ROBO1: variants seen among roughly 807,000 people sequenced by gnomAD.
The protein encoded by ROBO1 is roundabout guidance receptor 1, also known as roundabout homolog 1.
A neutral mutation model predicts 195.9 loss-of-function variants in ROBO1; 149 were observed. The ratio of observed to expected loss-of-function variants is 0.76; its 90% confidence interval spans 0.67 to 0.87. The LOEUF (loss-of-function observed/expected upper bound fraction) is 0.87. ROBO1 is among the 40% of genes least tolerant of loss of function. The pLI, the probability that ROBO1 is intolerant of heterozygous loss-of-function variation, is 0.00. For synonymous variants in ROBO1, 816 were observed against 733.2 expected, an observed-to-expected ratio of 1.11 and a Z score of -1.82; for missense variants, 1,933 against 2,068.3, an observed-to-expected ratio of 0.93 and a Z score of 1.27.
At chr3:78,620,987 A>G (rs1704423337) in intron 26 of ROBO1, among the ~76,000 whole-genome samples, 1 of 151,470 alleles carries the variant, frequency 6.6e-6, no homozygotes, top group Non-Finnish European at 1.5e-5. Context: ...TATTACATTG[A>G]AAAAGTATGC....
intron 4 of ROBO1, among the ~76,000 whole-genome samples, chr3:78,814,553 T>TA (rs1004253228): frequency 3.3e-5 from 5 of 151,642 alleles, no homozygotes; most frequent in East Asian, 3.9e-4. Context: ...CATCTTGTGT[T>TA]AAAAAAAATA....
At position 79,137,195 on chromosome 3, in the gene ROBO1, TA is replaced by T. The variant is rs564766562; in HGVS notation, c.89-11657del. Among the ~76,000 whole-genome samples, 513 of 152,254 alleles carry T rather than the reference TA, an allele frequency of 3.4e-3. 3 individuals are homozygous for T. Among genetic ancestry groups the T allele is most frequent in the Middle Eastern group, 6.8e-3 (2 of 294 alleles). ...ATAAACAAAAACGTTAGCCTTGATG[TA>T]AAATCTGTTTTCAAACAAAATGTTT... On this transcript the variant is annotated intron_variant, in intron 2 of 30. Transcript: ENST00000464233.
intron 3 of ROBO1, among the ~76,000 whole-genome samples, chr3:79,023,178 C>A (rs2078135494): frequency 6.6e-6 from 1 of 151,968 alleles, no homozygotes; most frequent in Admixed American, 6.6e-5. Flanking sequence ...CAATGCACAC[C>A]AAGGCTGTGC....
chr3:78,849,952 G>A (rs1019172649), intron 4 of ROBO1, among the ~76,000 whole-genome samples: 4 of 151,384 alleles, frequency 2.6e-5, no homozygotes, highest in East Asian at 1.9e-4. Context: ...ATATTATAAC[G>A]TAGTTTACTA....
At chr3:79,041,633 G>A (rs1330595504) in intron 3 of ROBO1, among the ~76,000 whole-genome samples, 3 of 152,182 alleles carry the variant, frequency 2.0e-5, no homozygotes. Context: ...AGCATAGTTT[G>A]GCTAAATTCT....
chr3:79,727,689 C>A (rs1327058620), intron 1 of ROBO1, among the ~76,000 whole-genome samples: 1 of 152,058 alleles, frequency 6.6e-6, no homozygotes, highest in East Asian at 1.9e-4. Context: ...TCTATGGAAA[C>A]ATTTTTCATT....
At chr3:79,510,296 G>T (rs1231415383) in intron 2 of ROBO1, among the ~76,000 whole-genome samples, 2 of 152,166 alleles carry the variant, frequency 1.3e-5, no homozygotes, top group Non-Finnish European at 2.9e-5. Context: ...ATTATGAGGG[G>T]CTTTGCCCCC....
At chr3:78,757,730 A>C (rs1010333368) in intron 4 of ROBO1, among the ~76,000 whole-genome samples, 1 of 152,212 alleles carries the variant, frequency 6.6e-6, no homozygotes, top group African/African-American at 2.4e-5. Flanking sequence ...CAATTATAAC[A>C]TCCCCTCCCC....
chr3:78,724,167 T>C (rs1457154720), intron 5 of ROBO1, among the ~76,000 whole-genome samples: 3 of 152,132 alleles, frequency 2.0e-5, no homozygotes, highest in Non-Finnish European at 4.4e-5. Flanking sequence ...ACATGCCAGT[T>C]TTCAATTTCC....
At chr3:78,767,986 T>C (rs1028707381) in intron 4 of ROBO1, among the ~76,000 whole-genome samples, 3 of 152,136 alleles carry the variant, frequency 2.0e-5, no homozygotes, top group Admixed American at 6.5e-5. Flanking sequence ...TTTGTTCTTG[T>C]TTCTCTAGTT....
chr3:79,042,106 T>C (rs138778915), intron 3 of ROBO1, among the ~76,000 whole-genome samples: 1 of 152,278 alleles, frequency 6.6e-6, no homozygotes, highest in Non-Finnish European at 1.5e-5. Context: ...GGCTACTATT[T>C]ATTAAGCATT....
intron 1 of ROBO1, among the ~76,000 whole-genome samples, chr3:79,608,554 G>A (rs774300420): frequency 6.6e-6 from 1 of 151,930 alleles, no homozygotes; most frequent in African/African-American, 2.4e-5. Context: ...GTTTACAAAC[G>A]TGGGTTAAAA....
chr3:79,087,301 G>T (rs2079388585), intron 3 of ROBO1, among the ~76,000 whole-genome samples: 1 of 151,972 alleles, frequency 6.6e-6, no homozygotes, highest in Non-Finnish European at 1.5e-5. Flanking sequence ...AACCTAAAGT[G>T]CATCGACTTA....
chr3:79,620,987 T>C (rs1944989424), intron 1 of ROBO1, among the ~76,000 whole-genome samples: 1 of 152,088 alleles, frequency 6.6e-6, no homozygotes, highest in Non-Finnish European at 1.5e-5. Flanking sequence ...ATCCACCCCA[T>C]GGTGCCAAAC....
rs75633073 is a variant in ROBO1 at position 78,633,858 on chromosome 3, G to T, written c.3481+77C>A. 622 of 914,686 alleles carry T rather than the reference G, an allele frequency of 6.8e-4. 3 individuals are homozygous for T. The African/African-American group carries it at 8.6e-3, about 13-fold the overall frequency. 56.7% of individuals were successfully genotyped at this position (914,686 alleles called of 1,614,324 possible). A position where few individuals can be genotyped will look rare whatever the true frequency, so the allele number is the denominator to read the frequency against. On this transcript the variant is annotated intron_variant, in intron 24 of 30. Transcript: ENST00000464233. Reference sequence around the variant, plus strand: ...TTAGACATGTCACCTACATACGTCAGTCCATTAGCACTCAATTTGTAATCT... The same window carrying T: ...TTAGACATGTCACCTACATACGTCATTCCATTAGCACTCAATTTGTAATCT...
chr3:79,410,054 G>A (rs2106847266), intron 2 of ROBO1, among the ~76,000 whole-genome samples: 1 of 152,188 alleles, frequency 6.6e-6, no homozygotes, highest in African/African-American at 2.4e-5. Flanking sequence ...GAAGTTTTGT[G>A]CAATAGAAAG....
chr3:79,176,602 C>G (rs1014763655), intron 2 of ROBO1, among the ~76,000 whole-genome samples: 6 of 152,170 alleles, frequency 3.9e-5, no homozygotes, highest in East Asian at 1.9e-4. Flanking sequence ...GGACTACAGG[C>G]AAGTGCCATT....
rs113613249 is a variant in ROBO1, at chr3:79,119,589, ATG to A, written c.172+5865_172+5866del. On this transcript the variant is annotated intron_variant, in intron 3 of 30. Coordinates refer to ENST00000464233, the MANE Select transcript of ROBO1 (RefSeq NM_002941.4). ...AAGACTAAACCAATTGATTAAATTGATGTGAGTTGATAACTTTATTTCCAATA... is the reference window on the plus strand; with the variant it reads ...AAGACTAAACCAATTGATTAAATTGATGAGTTGATAACTTTATTTCCAATA... 2.4e-3 allele frequency among the ~76,000 whole-genome samples: 364 copies of A among 152,282 alleles called. 4 individuals are homozygous for A. The highest frequency in any genetic ancestry group is 8.3e-3 in the African/African-American group (347 of 41,566).
chr3:79,731,383 A>T (rs1375876538), intron 1 of ROBO1, among the ~76,000 whole-genome samples: 2 of 152,064 alleles, frequency 1.3e-5, no homozygotes, highest in Admixed American at 1.3e-4. Flanking sequence ...AGCTCCTTGG[A>T]TCTATGTATG....
Sources: gnomAD v4.1 joint callset for allele counts (sites outside exome capture counted in the v4.1 genomes callset) on GRCh38, gnomAD v4.1.1 for gene constraint, MANE v1.5 for transcripts, NCBI Gene and HGNC (gene_info 2026-07-23, HGNC 2026-07-21) for gene names.